DTWD1: variants seen among roughly 807,000 people sequenced by gnomAD.
DTWD1 encodes DTW motif tRNA-uridine aminocarboxypropyltransferase 1.
A neutral mutation model predicts 30.2 loss-of-function variants in DTWD1; 27 were observed. The ratio of observed to expected loss-of-function variants is 0.90; its 90% confidence interval spans 0.66 to 1.23. DTWD1 has a LOEUF of 1.23. DTWD1 is among the 50% of genes most tolerant of loss of function. The pLI is 0.00. For missense variants in DTWD1, 342 were observed against 348.8 expected (o/e 0.98, Z 0.15); for synonymous variants, 99 against 113.1 (o/e 0.88, Z 0.79).
Position 49,632,309 on chromosome 15 carries a change from A to G in DTWD1, c.408+7A>G. ...TGAAGAAAAGGACCATGAAGTAGGC[A>G]ACTTAGTTTTTATAACTCTTCACAT... On this transcript the variant is annotated splice_region_variant and intron_variant, in intron 3 of 4. Transcript: ENST00000403028. The G allele has an allele frequency of 6.4e-7, 1 of 1,574,782 alleles. No homozygotes were observed.
chr15:49,642,206 T>C (rs2079073514), intron 4 of DTWD1, among the ~76,000 whole-genome samples: 1 of 152,162 alleles, frequency 6.6e-6, no homozygotes, highest in Non-Finnish European at 1.5e-5. Flanking sequence ...CAGTTGGTCA[T>C]TGGGCCAATT....
chr15:49,638,251 C>T (rs2079026065), intron 4 of DTWD1, among the ~76,000 whole-genome samples: 1 of 152,186 alleles, frequency 6.6e-6, no homozygotes, highest in Non-Finnish European at 1.5e-5. Flanking sequence ...TATTCAAAAT[C>T]TCTTTTCAGA....
intron 4 of DTWD1, among the ~76,000 whole-genome samples, chr15:49,641,363 A>T (rs952569969): frequency 6.6e-6 from 1 of 152,024 alleles, no homozygotes; most frequent in Non-Finnish European, 1.5e-5. Context: ...AAAGCCAAAC[A>T]ATGTTTAACC....
At chr15:49,636,288 A>G (rs945647368) in intron 4 of DTWD1, among the ~76,000 whole-genome samples, 2 of 151,610 alleles carry the variant, frequency 1.3e-5, no homozygotes, top group African/African-American at 4.9e-5. Context: ...CCCATTTTCT[A>G]CTATTTCAAA....
intron 4 of DTWD1, among the ~76,000 whole-genome samples, chr15:49,636,700 C>T (rs559857973): frequency 1.3e-5 from 2 of 152,160 alleles, no homozygotes; most frequent in South Asian, 2.1e-4. Flanking sequence ...TTATATCTAT[C>T]GTTTGGGTAT....
At chr15:49,630,891 C>T in intron 2 of DTWD1, 1 of 259,260 alleles carries the variant, frequency 3.9e-6, no homozygotes. Flanking sequence ...GCATTAGATT[C>T]TCATAGGAGC....
chr15:49,655,389 G>A lies in DTWD1; in HGVS notation c.*11811G>A, dbSNP rs909411274. On this transcript the variant is annotated 3_prime_UTR_variant, in exon 5 of 5. Transcript: ENST00000403028. ...GGGGTAAGAAAGAAAGACTTATGAA[G>A]AAAAGACCTGTAGAAAATCGGGCCT... 4.6e-5 allele frequency: 7 copies of A among 151,964 alleles called. No individual in the cohort carries two copies. The highest frequency in any genetic ancestry group is 9.7e-5 in the African/African-American group (4 of 41,412). The allele number at this position is 151,964 out of a possible 1,614,324, so 9.4% of individuals were successfully genotyped here.
rs752082399 is a variant in DTWD1, at chr15:49,643,548, A to C, written c.885A>C (p.Gly295=). 6.3e-7 allele frequency: 1 copy of C among 1,598,650 alleles called. No individual in the cohort carries two copies. The highest frequency in any genetic ancestry group is 8.5e-7 in the Non-Finnish European group (1 of 1,175,020). The part of the protein sequence containing the change: ...YQLIKNAKCS[G]DKETGKLTH ...TGATAAAGAATGCCAAATGCTCTGG[A>C]GATAAGGAAACAGGAAAACTTACAC... Residue 295 remains glycine, a synonymous_variant, in exon 5 of 5, where the codon GGA becomes GGC. Transcript: ENST00000403028.
chr15:49,632,281 A>G lies in DTWD1; in HGVS notation c.387A>G (p.Glu129=), dbSNP rs1056878224. 6.3e-7 allele frequency: 1 copy of G among 1,582,170 alleles called. No homozygotes were observed. Among genetic ancestry groups the G allele is most frequent in the Non-Finnish European group, 8.5e-7 (1 of 1,172,644 alleles). ...VNIYTYPCIP[E]YEEKDHEVAL... ...TTTACACGTATCCGTGTATTCCAGA[A>G]TATGAAGAAAAGGACCATGAAGTAG... The change falls in exon 3 of 5, where the codon GAA becomes GAG. Residue 129 remains glutamate, a synonymous_variant. Transcript: ENST00000403028.
At position 49,643,860 on chromosome 15, in the gene DTWD1, G is replaced by GAT. The variant is rs1486726088; in HGVS notation, c.*286_*287dup. ...ATAGTGTGTTATGTCTCTGTGATTA[G>GAT]ATATAACATATTCCATTAGATCTAA... is the stretch of plus-strand genomic sequence containing the variant. On this transcript the variant is annotated 3_prime_UTR_variant, in exon 5 of 5. Transcript: ENST00000403028. 1.3e-5 allele frequency: 3 copies of GAT among 222,224 alleles called. No individual in the cohort carries two copies. The highest frequency in any genetic ancestry group is 2.6e-5 in the Non-Finnish European group (3 of 114,932). The allele number at this position is 222,224 out of a possible 1,614,324, so 13.8% of individuals were successfully genotyped here.
intron 4 of DTWD1, among the ~76,000 whole-genome samples, chr15:49,641,109 T>G (rs1445808955): frequency 6.6e-6 from 1 of 152,038 alleles, no homozygotes; most frequent in African/African-American, 2.4e-5. Flanking sequence ...GTTATTTAAT[T>G]GTAGGGGTCA....
intron 4 of DTWD1, among the ~76,000 whole-genome samples, chr15:49,636,060 AT>A (rs1252035673): frequency 6.6e-6 from 1 of 151,960 alleles, no homozygotes; most frequent in Non-Finnish European, 1.5e-5. Context: ...GATTAGATGC[AT>A]TTTCTGGGAT....
rs922162428 is a variant in DTWD1 at position 49,648,916 on chromosome 15, ATC to A, written c.*5343_*5344del. On this transcript the variant is annotated 3_prime_UTR_variant, in exon 5 of 5. Transcript: ENST00000403028. ...AGTTTGTTTATTTTCACTTGAAGAG[ATC>A]TCTCAGAAAGTCAAAGAAAATAGGA... The A allele has an allele frequency of 6.6e-6, 1 of 152,152 alleles. No homozygotes were observed. The highest frequency in any genetic ancestry group is 1.5e-5 in the Non-Finnish European group (1 of 68,030). 9.4% of individuals were successfully genotyped at this position (152,152 alleles called of 1,614,324 possible).
intron 2 of DTWD1, among the ~76,000 whole-genome samples, chr15:49,631,393 A>G (rs1341645184): frequency 1.3e-5 from 2 of 152,338 alleles, no homozygotes; most frequent in Non-Finnish European, 2.9e-5. Context: ...TTTTGACTTG[A>G]AAGTATGTCT....
intron 1 of DTWD1, 26 bp from the exon 2 acceptor site, chr15:49,625,087 C>A (rs1202816861): frequency 5.2e-6 from 7 of 1,349,846 alleles, no homozygotes; most frequent in Non-Finnish European, 7.1e-6. Flanking sequence ...TTTATTTTTC[C>A]TTCTCTTGAT....
chr15:49,642,317 A>G (rs2079074888), intron 4 of DTWD1, among the ~76,000 whole-genome samples: 1 of 152,188 alleles, frequency 6.6e-6, no homozygotes, highest in African/African-American at 2.4e-5. Context: ...TAAGGAGCTA[A>G]AAGCATTCTG....
rs1158103096 is a variant in DTWD1, at chr15:49,645,313, C to T, written c.*1735C>T. ...ATCATACACCTAGTTAGTAGCAGAG[C>T]CTGTTCTAGAATCTGGAACTTCTGA... On this transcript the variant is annotated 3_prime_UTR_variant, in exon 5 of 5. Coordinates refer to ENST00000403028, the MANE Select transcript of DTWD1 (RefSeq NM_001144955.2). 1 of 151,996 alleles carries T rather than the reference C, an allele frequency of 6.6e-6. No homozygotes were observed. Among genetic ancestry groups the T allele is most frequent in the Non-Finnish European group, 1.5e-5 (1 of 68,012 alleles). 9.4% of individuals were successfully genotyped at this position (151,996 alleles called of 1,614,324 possible). A position where few individuals can be genotyped will look rare whatever the true frequency, so the allele number is the denominator to read the frequency against.
chr15:49,651,394 T>G lies in DTWD1; in HGVS notation c.*7816T>G, dbSNP rs1483034139. 1 of 152,192 alleles carries G rather than the reference T, an allele frequency of 6.6e-6. No individual in the cohort carries two copies. Among genetic ancestry groups the G allele is most frequent in the Non-Finnish European group, 1.5e-5 (1 of 68,066 alleles). 9.4% of individuals were successfully genotyped at this position (152,192 alleles called of 1,614,324 possible). A position where few individuals can be genotyped will look rare whatever the true frequency, so the allele number is the denominator to read the frequency against. On this transcript the variant is annotated 3_prime_UTR_variant, in exon 5 of 5. Transcript: ENST00000403028. Reference sequence around the variant, plus strand: ...AAGCAAACTAAACACATTGCCTAGTTGACGTCATCCTTCCTGCTTCAGTTA... The same window carrying G: ...AAGCAAACTAAACACATTGCCTAGTGGACGTCATCCTTCCTGCTTCAGTTA...
intron 4 of DTWD1, among the ~76,000 whole-genome samples, chr15:49,639,027 C>T (rs1375408791): frequency 6.6e-6 from 1 of 152,146 alleles, no homozygotes; most frequent in Non-Finnish European, 1.5e-5. Context: ...TCTTTCCCTT[C>T]AGTTTGACTG....
Sources: allele counts gnomAD v4.1 joint callset (sites outside exome capture counted in the v4.1 genomes callset), GRCh38; gene constraint gnomAD v4.1.1; transcripts MANE v1.5; gene names NCBI Gene and HGNC (gene_info 2026-07-23, HGNC 2026-07-21).